The following UGT1A5 variants were observed in gnomAD, a reference collection of about 807,000 sequenced individuals.
UGT1A5 encodes UDP-glucuronosyltransferase 1A5.
A neutral mutation model predicts 40.3 loss-of-function variants in UGT1A5; 29 were observed. The ratio of observed to expected loss-of-function variants is 0.72; its 90% confidence interval spans 0.54 to 0.98. UGT1A5 has a LOEUF of 0.98. Ranked by LOEUF, UGT1A5 falls within the 50% of genes least tolerant of loss-of-function variation. The pLI is 0.00. For missense variants in UGT1A5, 678 were observed against 677.9 expected, an observed-to-expected ratio of 1.00 and a Z score of 0.00; for synonymous variants, 257 against 262.5, an observed-to-expected ratio of 0.98 and a Z score of 0.20.
chr2:233,761,009 A>T, intron 1 of UGT1A5: 2 of 1,614,002 alleles, frequency 1.2e-6, no homozygotes, highest in Non-Finnish European at 1.7e-6. Flanking sequence ...CTTCAGAGAG[A>T]GGTGACTGTC....
chr2:233,769,773 T>C lies in UGT1A5; in HGVS notation c.1307+1334T>C. 4 of 1,392,024 alleles carry C rather than the reference T, an allele frequency of 2.9e-6. No individual in the cohort carries two copies. Among genetic ancestry groups the C allele is most frequent in the Non-Finnish European group, 2.8e-6 (3 of 1,065,432 alleles). 86.2% of individuals were successfully genotyped at this position (1,392,024 alleles called of 1,614,324 possible). A position where few individuals can be genotyped will look rare whatever the true frequency, so the allele number is the denominator to read the frequency against. ...TGGAGGCTAAGGCGGGAGGATTGCTTGAGCCCAGAAGTTGGAGGCTGCTAT... is the reference window on the plus strand; with the variant it reads ...TGGAGGCTAAGGCGGGAGGATTGCTCGAGCCCAGAAGTTGGAGGCTGCTAT... On this transcript the variant is annotated intron_variant, in intron 4 of 4. Transcript: ENST00000373414. This position sits in a 1 kb window ranked among gnomAD's most constrained non-coding sequence, Gnocchi z 4.4.
Position 233,747,869 on chromosome 2 carries a change from C to T in UGT1A5, c.868-19165C>T, listed in dbSNP as rs1693798150. The T allele has an allele frequency of 2.5e-6, 4 of 1,613,468 alleles. No individual in the cohort carries two copies. In the Admixed American group the frequency reaches 6.7e-5, roughly 27 times the overall value. Reference sequence around the variant, plus strand: ...TCAAGAACATGCTCTACCCTCTGGCCCTGTCCTACCTTTGCCATGCTCTTT... The same window carrying T: ...TCAAGAACATGCTCTACCCTCTGGCTCTGTCCTACCTTTGCCATGCTCTTT... On this transcript the variant is annotated intron_variant, in intron 1 of 4. Coordinates refer to ENST00000373414, the MANE Select transcript of UGT1A5 (RefSeq NM_019078.2).
At chr2:233,742,996 A>G in intron 1 of UGT1A5, 1 of 237,696 alleles carries the variant, frequency 4.2e-6, no homozygotes, top group South Asian at 5.8e-5. Context: ...AGCAAATTGC[A>G]TACAGATATT....
chr2:233,767,748 T>A (rs2126034446), intron 2 of UGT1A5, 101 bp from the exon 3 acceptor site: 2 of 1,587,100 alleles, frequency 1.3e-6, no homozygotes, highest in East Asian at 4.5e-5. Context: ...TGTTAAAGAC[T>A]GTTCCTTCAG....
rs2012736 is a variant in UGT1A5 at position 233,713,733 on chromosome 2, C to A, written c.742C>A (p.Leu248Ile). ...LFQREVSVVD[L>I]VSHASVWLFR... is the part of the protein sequence containing the mutation. ...TCAGAGAGAGGTGTCAGTGGTGGAT[C>A]TTGTCAGCCATGCATCTGTGTGGCT... The change falls in exon 1 of 5, where the codon CTT (leucine) becomes ATT (isoleucine). Residue 248 changes from leucine to isoleucine, a missense_variant. Transcript: ENST00000373414. The A allele has an allele frequency of 0.091, 144,275 of 1,587,018 alleles. 8,662 individuals carry two copies. The highest frequency in any genetic ancestry group is 0.18 in the South Asian group (15,785 of 87,122).
At chr2:233,733,441 G>A (rs189365163) in intron 1 of UGT1A5, among the ~76,000 whole-genome samples, 194 of 152,182 alleles carry the variant, frequency 1.3e-3, no homozygotes, top group Non-Finnish European at 1.4e-3. Context: ...TATTGGCTGC[G>A]GGTTTGTCAT....
intron 1 of UGT1A5, among the ~76,000 whole-genome samples, chr2:233,723,239 T>G (rs1575545383): frequency 9.2e-6 from 1 of 108,658 alleles, no homozygotes; most frequent in African/African-American, 4.5e-5. Context: ...TGAGTTGGAG[T>G]CCTGCTGTCA....
At chr2:233,735,055 G>A (rs1012259706) in intron 1 of UGT1A5, among the ~76,000 whole-genome samples, 1 of 152,132 alleles carries the variant, frequency 6.6e-6, no homozygotes, top group Non-Finnish European at 1.5e-5. Context: ...CTGAGTTCAG[G>A]TCCTGGATAT....
chr2:233,731,014 G>A (rs759586462), intron 1 of UGT1A5, among the ~76,000 whole-genome samples: 7 of 152,190 alleles, frequency 4.6e-5, no homozygotes, highest in Non-Finnish European at 7.3e-5. Context: ...TACATCGTGA[G>A]AGAATCAGCC....
intron 1 of UGT1A5, chr2:233,761,095 C>T (rs765208275): frequency 1.2e-6 from 2 of 1,614,060 alleles, no homozygotes; most frequent in Admixed American, 3.3e-5. Context: ...GCCCATCATG[C>T]CCAATATGGT....
At chr2:233,747,988 G>A (rs1693831821) in intron 1 of UGT1A5, 3 of 1,613,354 alleles carry the variant, frequency 1.9e-6, no homozygotes, top group Non-Finnish European at 2.5e-6. Context: ...CTGTTCCGAG[G>A]GGACTTTGTG....
intron 1 of UGT1A5, among the ~76,000 whole-genome samples, chr2:233,757,287 C>A (rs1434964623): frequency 1.2e-4 from 14 of 112,536 alleles, no homozygotes; most frequent in Non-Finnish European, 2.2e-4. Context: ...TCAGAAGGGA[C>A]AGCTGGGGGT....
chr2:233,760,716 C>T (rs1697538425), intron 1 of UGT1A5: 9 of 1,614,218 alleles, frequency 5.6e-6, no homozygotes, highest in East Asian at 2.2e-5. Context: ...TGGCAGAAAG[C>T]AGCTTTGATG....
At chr2:233,725,000 CG>C (rs201780710) in intron 1 of UGT1A5, among the ~76,000 whole-genome samples, 7,734 of 147,282 alleles carry the variant, frequency 0.053, 1,119 homozygotes, top group African/African-American at 0.18. Context: ...GGCTGGAGAC[CG>C]GCCCGGCCAA....
chr2:233,749,865 C>A (rs113837567), intron 1 of UGT1A5, among the ~76,000 whole-genome samples: 3 of 152,004 alleles, frequency 2.0e-5, no homozygotes, highest in African/African-American at 7.3e-5. Context: ...CACTTTCTGC[C>A]AGGATTATAA....
Position 233,744,237 on chromosome 2 carries a change from T to C in UGT1A5, c.868-22797T>C, listed in dbSNP as rs1220461600. On this transcript the variant is annotated intron_variant, in intron 1 of 4. Coordinates refer to ENST00000373414, the MANE Select transcript of UGT1A5 (RefSeq NM_019078.2). ...GTTGGGGAAAAGAGAGGGCCTTGACTTTGGCTGCCTGAAGAACTGTTTTTC... is the reference window on the plus strand; with the variant it reads ...GTTGGGGAAAAGAGAGGGCCTTGACCTTGGCTGCCTGAAGAACTGTTTTTC... Among the ~76,000 whole-genome samples, 6 of 151,784 alleles carry C rather than the reference T, an allele frequency of 4.0e-5. 1 individual carries two copies. Among genetic ancestry groups the C allele is most frequent in the African/African-American group, 1.5e-4 (6 of 41,066 alleles).
Position 233,757,535 on chromosome 2 carries a change from A to AATATATATATATATATATATATAT in UGT1A5, c.868-9496_868-9473dup, listed in dbSNP as rs67292694. On this transcript the variant is annotated intron_variant, in intron 1 of 4. Transcript: ENST00000373414. ...CAAAGCCAAAATCTTGCCTGTAAGG[A>AATATATATATATATATATATATAT]ATATATATATATATATATATATATA... Among the ~76,000 whole-genome samples the AATATATATATATATATATATATAT allele has an allele frequency of 1.4e-3, 127 of 88,238 alleles. 1 individual carries two copies. The highest frequency in any genetic ancestry group is 9.2e-3 in the East Asian group (33 of 3,584). The allele number at this position is 88,238 out of a possible 152,430, so 57.9% of individuals were successfully genotyped here.
chr2:233,745,744 G>A (rs1406161320), intron 1 of UGT1A5, among the ~76,000 whole-genome samples: 1 of 149,304 alleles, frequency 6.7e-6, no homozygotes, highest in Non-Finnish European at 1.5e-5. Context: ...GAGGGAGGGG[G>A]CAAGCAGAAG....
intron 1 of UGT1A5, chr2:233,729,501 T>C (rs142329877): frequency 1.3e-5 from 21 of 1,614,102 alleles, no homozygotes; most frequent in Non-Finnish European, 1.7e-5. Flanking sequence ...TGGTCTATCA[T>C]AGGTCTTGTG....
Sources: allele counts gnomAD v4.1 joint callset (sites outside exome capture counted in the v4.1 genomes callset), GRCh38; gene constraint gnomAD v4.1.1; non-coding constraint Gnocchi (gnomAD v3.1); transcripts MANE v1.5; gene names NCBI Gene and HGNC (gene_info 2026-07-23, HGNC 2026-07-21).